Variants in TENM3 observed in about 807,000 individuals in gnomAD.
TENM3 encodes teneurin transmembrane protein 3, also known as teneurin-3.
TENM3 carries 63 observed loss-of-function variants against 255.1 expected under a neutral mutation model. That is an observed-to-expected ratio of 0.25 (90% confidence interval 0.20 to 0.30). The LOEUF (loss-of-function observed/expected upper bound fraction) is 0.30, where lower values mean the gene tolerates loss of function less well. Ranked by LOEUF, TENM3 falls within the 10% of genes least tolerant of loss-of-function variation. The pLI, the probability that TENM3 is intolerant of heterozygous loss-of-function variation, is 1.00. For synonymous variants in TENM3, 1,306 were observed against 1,322.3 expected (o/e 0.99, Z 0.27); for missense variants, 2,929 against 3,461.1 (o/e 0.85, Z 3.86).
At chr4:182,153,623 T>C (rs1750493786) in intron 1 of TENM3, among the ~76,000 whole-genome samples, 1 of 152,138 alleles carries the variant, frequency 6.6e-6, no homozygotes. Context: ...TTTGATGTCT[T>C]GTGACAAATG....
chr4:181,861,020 A>T, the TENM3 span, among the ~76,000 whole-genome samples: 1 of 152,246 alleles, frequency 6.6e-6, no homozygotes, highest in African/African-American at 2.4e-5. Context: ...TGAAATTAAA[A>T]AGAAAGAAAC....
At chr4:181,542,416 G>C in the TENM3 span, among the ~76,000 whole-genome samples, 1 of 152,162 alleles carries the variant, frequency 6.6e-6, no homozygotes, top group Non-Finnish European at 1.5e-5. Context: ...TAAAGGTTTT[G>C]AGTAGCAGAT....
chr4:182,095,536 C>T, the TENM3 span, among the ~76,000 whole-genome samples: 1 of 152,020 alleles, frequency 6.6e-6, no homozygotes, highest in Non-Finnish European at 1.5e-5. Context: ...TTACCAGAGG[C>T]TGGGAAGGGT....
In TENM3 at chr4:182,346,939, C is replaced by G; in HGVS notation, c.511+10C>G. On this transcript the variant is annotated intron_variant, in intron 3 of 27. Transcript: ENST00000511685. ...TCCGACAGTGAGAATGGTAAGTTTC[C>G]TTTTTGGCTTTATAATGTTGGCATT... is the stretch of plus-strand genomic sequence containing the variant. The G allele has an allele frequency of 6.4e-7, 1 of 1,573,716 alleles. No individual in the cohort carries two copies.
rs758974525 is a variant in TENM3 at position 182,789,404 on chromosome 4, T to G, written c.5601+15T>G. ...ATTTAGAAAAGGTATGCCTGCAAAC[T>G]AAGCTCAACAATAGGGAAAGGATAA... On this transcript the variant is annotated intron_variant, in intron 25 of 27. Transcript: ENST00000511685. The surrounding 1 kb of genome is among the most constrained non-coding windows in gnomAD (Gnocchi z 4.4). 6.2e-7 allele frequency: 1 copy of G among 1,602,438 alleles called. No homozygotes were observed.
intron 3 of TENM3, among the ~76,000 whole-genome samples, chr4:182,394,637 T>G (rs1768673645): frequency 6.6e-6 from 1 of 152,232 alleles, no homozygotes; most frequent in Non-Finnish European, 1.5e-5. Flanking sequence ...CCATAGACAC[T>G]GATTATTTTA....
intron 3 of TENM3, among the ~76,000 whole-genome samples, chr4:182,397,499 T>A (rs1580409500): frequency 6.7e-6 from 1 of 149,998 alleles, no homozygotes; most frequent in Non-Finnish European, 1.5e-5. Context: ...GACAGCATAA[T>A]TGAGCACTCA....
chr4:182,272,263 G>T (rs748140094), intron 1 of TENM3, among the ~76,000 whole-genome samples: 3 of 152,134 alleles, frequency 2.0e-5, no homozygotes, highest in Non-Finnish European at 4.4e-5. Context: ...ATTCAGCCAA[G>T]AATTAGTAAG....
the TENM3 span, among the ~76,000 whole-genome samples, chr4:181,661,174 G>A: frequency 2.6e-5 from 4 of 152,030 alleles, no homozygotes; most frequent in Admixed American, 6.6e-5. Context: ...ATCTTTAATG[G>A]CATAAAAACT....
At chr4:182,367,457 T>C (rs777321863) in intron 3 of TENM3, among the ~76,000 whole-genome samples, 103 of 152,252 alleles carry the variant, frequency 6.8e-4, no homozygotes, top group Non-Finnish European at 1.1e-3. Flanking sequence ...ATGGACTATA[T>C]TACGATGAGC....
intron 2 of TENM3, among the ~76,000 whole-genome samples, chr4:182,339,800 T>C (rs1288044032): frequency 6.6e-6 from 1 of 152,170 alleles, no homozygotes; most frequent in Admixed American, 6.5e-5. Context: ...CTATCAGATA[T>C]CAGCAGATAC....
chr4:182,153,524 A>G (rs554578984), intron 1 of TENM3, among the ~76,000 whole-genome samples: 2 of 152,278 alleles, frequency 1.3e-5, no homozygotes, highest in East Asian at 3.9e-4. Context: ...CAGTATAGCC[A>G]TGACCGAAGT....
chr4:181,575,622 G>T, the TENM3 span, among the ~76,000 whole-genome samples: 298 of 152,286 alleles, frequency 2.0e-3, 4 homozygotes, highest in African/African-American at 6.9e-3. Context: ...TTTAATTGGT[G>T]AATTTGAAGA....
the TENM3 span, among the ~76,000 whole-genome samples, chr4:181,501,179 C>T: frequency 4.6e-5 from 7 of 152,050 alleles, no homozygotes; most frequent in African/African-American, 9.7e-5. Flanking sequence ...CACGTTTGGA[C>T]CTTGCTGGTG....
At chr4:182,036,016 A>T in the TENM3 span, among the ~76,000 whole-genome samples, 2 of 151,994 alleles carry the variant, frequency 1.3e-5, no homozygotes, top group South Asian at 4.1e-4. Context: ...TTCCTTCTGG[A>T]AGATTCTCCA....
chr4:181,935,160 A>C, the TENM3 span, among the ~76,000 whole-genome samples: 4 of 152,252 alleles, frequency 2.6e-5, no homozygotes, highest in African/African-American at 9.6e-5. Context: ...ATAATTCAAA[A>C]GACAGTTTAT....
intron 3 of TENM3, among the ~76,000 whole-genome samples, chr4:182,567,321 G>T (rs1727582077): frequency 6.6e-6 from 1 of 152,116 alleles, no homozygotes; most frequent in Admixed American, 6.5e-5. Flanking sequence ...GAGGCTTCCT[G>T]TCGGGTCTTT....
chr4:182,169,217 C>T, intron 1 of TENM3: 1 of 464,346 alleles, frequency 2.2e-6, no homozygotes, highest in East Asian at 7.0e-5. Flanking sequence ...TTGAAGCCTG[C>T]AGTCTGGCGA....
chr4:182,643,729 T>C (rs1001982992), intron 5 of TENM3, among the ~76,000 whole-genome samples: 1 of 152,210 alleles, frequency 6.6e-6, no homozygotes, highest in Admixed American at 6.5e-5. Flanking sequence ...TCTGATTTTA[T>C]TTTCTGCAAC....
Sources: gnomAD v4.1 joint callset for allele counts (sites outside exome capture counted in the v4.1 genomes callset) on GRCh38, gnomAD v4.1.1 for gene constraint, Gnocchi (gnomAD v3.1) non-coding constraint, MANE v1.5 for transcripts, NCBI Gene and HGNC (gene_info 2026-07-23, HGNC 2026-07-21) for gene names.